Variants in DOCK7 observed in about 807,000 individuals in gnomAD.
The protein encoded by DOCK7 is dedicator of cytokinesis 7, also known as dedicator of cytokinesis protein 7.
A neutral mutation model predicts 271.0 loss-of-function variants in DOCK7; 138 were observed. That is an observed-to-expected ratio of 0.51 (90% CI 0.44 to 0.59). DOCK7 has a LOEUF of 0.59. Among genes scored for constraint, DOCK7 ranks in the 20% least tolerant of loss-of-function variants. DOCK7 has a pLI of 0.00. For synonymous variants in DOCK7, 823 were observed against 876.1 expected (o/e 0.94, Z 1.07); for missense variants, 2,066 against 2,592.4 (o/e 0.80, Z 4.41).
chr1:62,581,089 C>T (rs1257143638), intron 16 of DOCK7, among the ~76,000 whole-genome samples: 4 of 152,130 alleles, frequency 2.6e-5, no homozygotes, highest in South Asian at 2.1e-4. Flanking sequence ...AAATTTTTGC[C>T]GACCCCTGGT....
At chr1:62,505,377 G>A (rs960319406) in intron 36 of DOCK7, among the ~76,000 whole-genome samples, 1 of 152,028 alleles carries the variant, frequency 6.6e-6, no homozygotes, top group African/African-American at 2.4e-5. Context: ...CAAGTGAAGA[G>A]AAAACAAGAG....
At chr1:62,577,221 T>C in intron 18 of DOCK7, 41 bp downstream of exon 18, 1 of 1,288,472 alleles carries the variant, frequency 7.8e-7, no homozygotes, top group South Asian at 2.2e-5. Flanking sequence ...AAAAAACCCA[T>C]TTCATTCAAT....
Position 62,539,553 on chromosome 1 carries a change from A to C in DOCK7, c.3292T>G (p.Tyr1098Asp). The change falls in exon 27 of 50, where the codon TAT (tyrosine) becomes GAT (aspartate). Residue 1098 changes from tyrosine (Y) to aspartate (D), a missense_variant. Around this residue, in one of 2 missense-constraint regions of DOCK7, gnomAD observed 1,414 missense variants for 1,670.4 expected, o/e 0.85. Coordinates refer to ENST00000635253, the MANE Select transcript of DOCK7 (RefSeq NM_001367561.1). ...TCCTAACTATGCATTACCTGTTTAT[A>C]GCAGGACTTTATAAGGCTAAAAACA... ...GFVFSLIKSC[Y>D]KQVSSKLYSL... 6.2e-7 allele frequency: 1 copy of C among 1,608,986 alleles called. No individual in the cohort carries two copies. The highest frequency in any genetic ancestry group is 8.5e-7 in the Non-Finnish European group (1 of 1,177,992).
chr1:62,681,866 C>G (rs533606023), intron 1 of DOCK7, among the ~76,000 whole-genome samples: 8 of 152,092 alleles, frequency 5.3e-5, no homozygotes, highest in Admixed American at 1.3e-4. Flanking sequence ...AGCATACACA[C>G]AATACGATTC....
At chr1:62,582,494 A>T (rs1323844776) in intron 16 of DOCK7, among the ~76,000 whole-genome samples, 1 of 138,384 alleles carries the variant, frequency 7.2e-6, no homozygotes. Flanking sequence ...AGCTTGCAGT[A>T]AGCCGAGATC....
chr1:62,521,368 C>A (rs1414932025), intron 31 of DOCK7, among the ~76,000 whole-genome samples: 2 of 151,988 alleles, frequency 1.3e-5, no homozygotes, highest in East Asian at 3.9e-4. Flanking sequence ...GTGAGTTAAG[C>A]ATCTATCTCA....
intron 43 of DOCK7, chr1:62,482,849 G>A (rs1019805670): frequency 1.3e-5 from 2 of 151,818 alleles, no homozygotes; most frequent in Non-Finnish European, 2.9e-5. Context: ...TTATACTTCA[G>A]CATAAAAATC....
intron 48 of DOCK7, among the ~76,000 whole-genome samples, chr1:62,465,841 C>T (rs1229502512): frequency 6.6e-6 from 1 of 152,140 alleles, no homozygotes; most frequent in Non-Finnish European, 1.5e-5. Context: ...TGAGCCACTG[C>T]ACCAGGCCTA....
At chr1:62,501,009 C>G (rs1214073206) in intron 37 of DOCK7, among the ~76,000 whole-genome samples, 2 of 151,762 alleles carry the variant, frequency 1.3e-5, no homozygotes, top group Non-Finnish European at 2.9e-5. Flanking sequence ...TGCAGTCTAG[C>G]CTGGGTGACA....
intron 22 of DOCK7, among the ~76,000 whole-genome samples, chr1:62,549,586 A>G (rs1272094556): frequency 6.6e-6 from 1 of 152,192 alleles, no homozygotes; most frequent in African/African-American, 2.4e-5. Context: ...TATCATGTGT[A>G]CTAATCACAT....
chr1:62,549,591 T>G (rs1340248907), intron 22 of DOCK7, among the ~76,000 whole-genome samples: 1 of 152,218 alleles, frequency 6.6e-6, no homozygotes, highest in Non-Finnish European at 1.5e-5. Flanking sequence ...TGTGTACTAA[T>G]CACATCAGGA....
chr1:62,615,398 C>A (rs1337609444), intron 14 of DOCK7, among the ~76,000 whole-genome samples: 1 of 151,818 alleles, frequency 6.6e-6, no homozygotes, highest in Non-Finnish European at 1.5e-5. Context: ...ACTAACAGAG[C>A]ACTAGGATCA....
chr1:62,669,488 G>A (rs959799622), intron 1 of DOCK7, among the ~76,000 whole-genome samples: 3 of 152,082 alleles, frequency 2.0e-5, no homozygotes, highest in Non-Finnish European at 4.4e-5. Flanking sequence ...GTCTGATTGG[G>A]GTATTCTATG....
chr1:62,491,464 C>T (rs1361610167), intron 41 of DOCK7, among the ~76,000 whole-genome samples: 1 of 152,196 alleles, frequency 6.6e-6, no homozygotes, highest in African/African-American at 2.4e-5. Flanking sequence ...TTTCTTTCTC[C>T]AATAAACATC....
chr1:62,460,162 G>C lies in DOCK7; in HGVS notation c.6213-2457C>G, dbSNP rs374338018. On this transcript the variant is annotated intron_variant, in intron 48 of 49. Coordinates refer to ENST00000635253, the MANE Select transcript of DOCK7 (RefSeq NM_001367561.1). ...AGGGGAAAAGAACTATTCTTGAGGGGAGTTCCCAACTCATATTTCAAGGCT... is the reference window on the plus strand; with the variant it reads ...AGGGGAAAAGAACTATTCTTGAGGGCAGTTCCCAACTCATATTTCAAGGCT... Among the ~76,000 whole-genome samples, 38 of 150,454 alleles carry C rather than the reference G, an allele frequency of 2.5e-4. 1 individual carries two copies. The South Asian group carries it at 7.1e-3, about 28-fold the overall frequency.
chr1:62,582,333 G>A (rs1222426401), intron 16 of DOCK7, among the ~76,000 whole-genome samples: 3 of 151,446 alleles, frequency 2.0e-5, no homozygotes, highest in South Asian at 2.1e-4. Flanking sequence ...GGCGGATCAC[G>A]AGGTCAGGAG....
At chr1:62,584,538 C>T in intron 15 of DOCK7, 1 of 1,128,656 alleles carries the variant, frequency 8.9e-7, no homozygotes, top group Middle Eastern at 4.0e-4. Context: ...TACCTTTTTT[C>T]CCTCTGAGAA....
intron 7 of DOCK7, among the ~76,000 whole-genome samples, chr1:62,646,449 A>C (rs1656676740): frequency 6.6e-6 from 1 of 152,136 alleles, no homozygotes; most frequent in Admixed American, 6.5e-5. Context: ...CTGTAATTGG[A>C]AATAAGCCCT....
chr1:62,675,791 G>GA (rs370523542), intron 1 of DOCK7, among the ~76,000 whole-genome samples: 7 of 141,934 alleles, frequency 4.9e-5, no homozygotes, highest in East Asian at 4.1e-4. Flanking sequence ...TCTCAAAGAA[G>GA]AAAAAAAAAA....
Sources: gnomAD v4.1 joint callset for allele counts (sites outside exome capture counted in the v4.1 genomes callset) on GRCh38, gnomAD v4.1.1 for gene constraint, gnomAD v4.1.1 regional missense constraint, MANE v1.5 for transcripts, NCBI Gene and HGNC (gene_info 2026-07-23, HGNC 2026-07-21) for gene names.